The following RNF6 variants were observed in gnomAD, a reference collection of about 807,000 sequenced individuals.
RNF6 encodes ring finger protein 6.
RNF6 carries 21 observed loss-of-function variants against 50.1 expected under a neutral mutation model. The observed-to-expected ratio is 0.42, with a 90% confidence interval of 0.30 to 0.60. The LOEUF (loss-of-function observed/expected upper bound fraction) is 0.60. RNF6 is among the 20% of genes least tolerant of loss of function. The pLI is 0.20. For missense variants in RNF6, 698 were observed against 838.2 expected (o/e 0.83, Z 2.07); for synonymous variants, 255 against 291.8 (o/e 0.87, Z 1.29).
intron 5 of RNF6, among the ~76,000 whole-genome samples, chr13:26,183,374 G>A (rs375065590): frequency 3.9e-5 from 6 of 152,308 alleles, no homozygotes; most frequent in African/African-American, 1.4e-4. Context: ...GCGCCAATGT[G>A]AGGAGCTCAA....
intron 5 of RNF6, among the ~76,000 whole-genome samples, chr13:26,203,067 C>CATA (rs1324614334): frequency 1.3e-5 from 2 of 152,178 alleles, no homozygotes; most frequent in Non-Finnish European, 2.9e-5. Flanking sequence ...AAGGTACTTG[C>CATA]ATAAGGCCTC....
At chr13:26,194,225 T>G (rs566164862) in intron 5 of RNF6, among the ~76,000 whole-genome samples, 21 of 151,900 alleles carry the variant, frequency 1.4e-4, no homozygotes, top group Non-Finnish European at 2.6e-4. Context: ...ATTTTAACAG[T>G]GGTTATGGTT....
At chr13:26,141,274 A>G (rs576416958) in intron 5 of RNF6, among the ~76,000 whole-genome samples, 2 of 152,138 alleles carry the variant, frequency 1.3e-5, no homozygotes, top group South Asian at 2.1e-4. Context: ...CTAAAAATAC[A>G]AAAATTAGCT....
intron 5 of RNF6, among the ~76,000 whole-genome samples, chr13:26,170,506 G>A (rs1188377906): frequency 6.6e-6 from 1 of 151,932 alleles, no homozygotes. Context: ...GAAGATGGAG[G>A]AACAAAAGAT....
chr13:26,148,631 T>TA (rs1566408223), intron 5 of RNF6, among the ~76,000 whole-genome samples: 4 of 77,796 alleles, frequency 5.1e-5, no homozygotes, highest in Non-Finnish European at 7.3e-5. Context: ...TATAAATCTC[T>TA]TTATATATAT....
chr13:26,193,293 T>G (rs1327708413), intron 5 of RNF6, among the ~76,000 whole-genome samples: 1 of 151,890 alleles, frequency 6.6e-6, no homozygotes, highest in Non-Finnish European at 1.5e-5. Context: ...GAAAAATTCA[T>G]CATTAAGAGG....
chr13:26,139,150 T>C (rs978271408), intron 5 of RNF6, among the ~76,000 whole-genome samples: 3 of 152,122 alleles, frequency 2.0e-5, no homozygotes, highest in Admixed American at 6.6e-5. Context: ...TCACCTTTTA[T>C]ATGCAAACTG....
chr13:26,175,103 CAG>C (rs1872886982), intron 5 of RNF6, among the ~76,000 whole-genome samples: 2 of 152,116 alleles, frequency 1.3e-5, no homozygotes, highest in Non-Finnish European at 2.9e-5. Context: ...TTTCTTGAGA[CAG>C]AGTCTCGCTC....
intron 4 of RNF6, 141 bp from the exon 5 acceptor site, chr13:26,215,733 C>A (rs1348706377): frequency 1.4e-6 from 1 of 709,694 alleles, no homozygotes; most frequent in Non-Finnish European, 2.2e-6. Flanking sequence ...GGCAAAAAGA[C>A]AACTTTCTAA....
intron 5 of RNF6, among the ~76,000 whole-genome samples, chr13:26,143,166 G>C (rs940406490): frequency 2.6e-5 from 4 of 152,128 alleles, no homozygotes; most frequent in African/African-American, 9.7e-5. Context: ...ATTCTTAAAG[G>C]ATCTGGGACA....
chr13:26,215,248 T>C lies in RNF6; in HGVS notation c.634A>G (p.Ile212Val), dbSNP rs1171858002. The C allele has an allele frequency of 2.5e-6, 4 of 1,614,236 alleles. No individual in the cohort carries two copies. The South Asian group carries it at 3.3e-5, about 13-fold the overall frequency. The change falls in exon 5 of 5, where the codon ATT (isoleucine) becomes GTT (valine). Residue 212 changes from isoleucine (I) to valine (V), a missense_variant. By Grantham distance (29) the Ile-to-Val change is conservative (BLOSUM62 3). Coordinates refer to ENST00000381588, the MANE Select transcript of RNF6 (RefSeq NM_005977.4). ...SVNFNGSSSN[I>V]PRTRLASRGQ... ...CTTGAAGCAAGCCTAGTCCTTGGAA[T>C]GTTGGAACTACTACCATTGAAATTC... is the stretch of plus-strand genomic sequence containing the variant.
chr13:26,222,577 A>G (rs1043006094), upstream of RNF6: 8 of 152,350 alleles, frequency 5.3e-5, no homozygotes, highest in African/African-American at 1.9e-4. Flanking sequence ...GGTGTAACGT[A>G]CTACCCAGCC....
At chr13:26,163,798 AGAAAATGGATTTTCTTTTG>A (rs1358157444) in intron 5 of RNF6, among the ~76,000 whole-genome samples, 4 of 152,248 alleles carry the variant, frequency 2.6e-5, no homozygotes, top group African/African-American at 4.8e-5. Flanking sequence ...TAACATGGAA[AGAAAATGGATTTTCTTTTG>A]GAAAATGGAT....
intron 3 of RNF6, among the ~76,000 whole-genome samples, chr13:26,219,000 T>G (rs1870189651): frequency 1.3e-5 from 2 of 152,148 alleles, no homozygotes; most frequent in African/African-American, 4.8e-5. Flanking sequence ...GTCATCAATA[T>G]ACAAACACAC....
At chr13:26,172,413 C>G (rs1438332339) in intron 5 of RNF6, among the ~76,000 whole-genome samples, 1 of 152,102 alleles carries the variant, frequency 6.6e-6, no homozygotes, top group Admixed American at 6.5e-5. Context: ...GATAAAGGAA[C>G]AATTTCTTCA....
chr13:26,176,097 G>T (rs1417070463), intron 5 of RNF6, among the ~76,000 whole-genome samples: 5 of 152,154 alleles, frequency 3.3e-5, no homozygotes, highest in African/African-American at 1.2e-4. Flanking sequence ...CATGGTGGTT[G>T]TCTAAGGCGT....
intron 4 of RNF6, among the ~76,000 whole-genome samples, chr13:26,217,433 T>C (rs978077870): frequency 1.3e-5 from 2 of 152,220 alleles, no homozygotes; most frequent in African/African-American, 4.8e-5. Flanking sequence ...CATCGGAAAT[T>C]GGCTCGTGGA....
At chr13:26,142,692 T>C (rs937087375) in intron 5 of RNF6, among the ~76,000 whole-genome samples, 1 of 152,016 alleles carries the variant, frequency 6.6e-6, no homozygotes, top group Non-Finnish European at 1.5e-5. Context: ...AGACATAAGA[T>C]GGGAACGATA....
intron 5 of RNF6, among the ~76,000 whole-genome samples, chr13:26,133,125 T>G (rs1246050067): frequency 1.3e-5 from 2 of 152,158 alleles, no homozygotes; most frequent in African/African-American, 4.8e-5. Context: ...TTTCACAGAA[T>G]ACAAGATACA....
Sources: allele counts gnomAD v4.1 joint callset (sites outside exome capture counted in the v4.1 genomes callset), GRCh38; gene constraint gnomAD v4.1.1; transcripts MANE v1.5; gene names NCBI Gene and HGNC (gene_info 2026-07-23, HGNC 2026-07-21).